LRRC7: variants seen among roughly 807,000 people sequenced by gnomAD.
The protein encoded by LRRC7 is leucine-rich repeat-containing protein 7.
In LRRC7, 23 loss-of-function variants were observed where a neutral mutation model predicts 175.7. The observed-to-expected ratio is 0.13, with a 90% CI of 0.09 to 0.19. The LOEUF (loss-of-function observed/expected upper bound fraction) is 0.19, where lower values mean the gene tolerates loss of function less well. Among genes scored for constraint, LRRC7 ranks in the 10% least tolerant of loss-of-function variants. The probability of loss-of-function intolerance (pLI) is 1.00; values close to 1 mark genes in which losing one functional copy is unlikely to be tolerated. For synonymous variants in LRRC7, 685 were observed against 680.9 expected (o/e 1.01, Z -0.09); for missense variants, 1,354 against 1,904.7 (o/e 0.71, Z 5.38).
At chr1:69,908,490 A>G (rs1646402635) in intron 7 of LRRC7, among the ~76,000 whole-genome samples, 1 of 152,128 alleles carries the variant, frequency 6.6e-6, no homozygotes, top group African/African-American at 2.4e-5. Flanking sequence ...TTCAAAGAAC[A>G]TCTTTATTTC....
In LRRC7 at chr1:69,982,885, A is replaced by G. The variant is rs17131100; in HGVS notation, c.786+2432A>G. On this transcript the variant is annotated intron_variant, in intron 9 of 26. Transcript: ENST00000651989. ...TTTATGCCTTTACAGTCCTCAGGCT[A>G]TGATTGCTTTGATACAGTGTTTTCA... 1.7e-3 allele frequency among the ~76,000 whole-genome samples: 252 copies of G among 152,286 alleles called. 1 individual carries two copies. The highest frequency in any genetic ancestry group is 5.8e-3 in the African/African-American group (241 of 41,580).
chr1:69,939,222 G>A (rs1382824524), intron 8 of LRRC7, among the ~76,000 whole-genome samples: 4 of 151,560 alleles, frequency 2.6e-5, no homozygotes, highest in South Asian at 2.1e-4. Context: ...ATGGTTTATC[G>A]TGTATGAGAG....
intron 7 of LRRC7, among the ~76,000 whole-genome samples, chr1:69,892,676 C>T (rs1273047467): frequency 6.6e-6 from 1 of 152,156 alleles, no homozygotes; most frequent in Non-Finnish European, 1.5e-5. Context: ...ACATGCCAAG[C>T]TCTTTACCTA....
At chr1:69,989,797 T>C (rs140072613) in intron 10 of LRRC7, among the ~76,000 whole-genome samples, 3 of 152,226 alleles carry the variant, frequency 2.0e-5, no homozygotes, top group African/African-American at 7.2e-5. Context: ...ATACACATAG[T>C]GCTAAAAGAG....
intron 1 of LRRC7, among the ~76,000 whole-genome samples, chr1:69,653,511 A>G (rs1414187135): frequency 6.6e-6 from 1 of 152,082 alleles, no homozygotes; most frequent in Non-Finnish European, 1.5e-5. Context: ...GAAAACTGTT[A>G]GCAGGGATGT....
Position 69,803,906 on chromosome 1 carries a change from G to A in LRRC7, c.421+11746G>A, listed in dbSNP as rs145129017. 6.4e-3 allele frequency among the ~76,000 whole-genome samples: 967 copies of A among 150,938 alleles called. 2 individuals are homozygous for A. Among genetic ancestry groups the A allele is most frequent in the Middle Eastern group, 0.02 (6 of 294 alleles). On this transcript the variant is annotated intron_variant, in intron 4 of 26. Transcript: ENST00000651989. Reference sequence around the variant, plus strand: ...CACCATTTATCTTTTAGTCTTTTTAGCAACTTTTCCAGAGGTTTTTCTACT... The same window carrying A: ...CACCATTTATCTTTTAGTCTTTTTAACAACTTTTCCAGAGGTTTTTCTACT...
intron 4 of LRRC7, among the ~76,000 whole-genome samples, chr1:69,820,413 G>T (rs1478160695): frequency 1.3e-5 from 2 of 152,082 alleles, no homozygotes; most frequent in African/African-American, 4.8e-5. Flanking sequence ...TATATGTACA[G>T]AACATGCAGG....
intron 1 of LRRC7, among the ~76,000 whole-genome samples, chr1:69,643,557 T>C (rs569915305): frequency 1.3e-5 from 2 of 152,248 alleles, no homozygotes; most frequent in East Asian, 1.9e-4. Flanking sequence ...GCAGTTCAAG[T>C]CCTCTTTCCC....
intron 26 of LRRC7, among the ~76,000 whole-genome samples, chr1:70,119,237 C>T (rs1416391799): frequency 6.6e-6 from 1 of 152,096 alleles, no homozygotes; most frequent in Non-Finnish European, 1.5e-5. Context: ...TTCTATGCCT[C>T]AGTGAAACAG....
At chr1:69,663,823 G>A (rs1278415892) in intron 1 of LRRC7, among the ~76,000 whole-genome samples, 2 of 137,430 alleles carry the variant, frequency 1.5e-5, no homozygotes, top group African/African-American at 5.4e-5. Context: ...CCGGGTTCAC[G>A]CCATTCTCCT....
intron 3 of LRRC7, among the ~76,000 whole-genome samples, chr1:69,765,458 T>C (rs1302008511): frequency 6.6e-6 from 1 of 152,112 alleles, no homozygotes; most frequent in Admixed American, 6.6e-5. Context: ...TGCAGAATCA[T>C]ATGCTTATTA....
At chr1:69,894,455 C>T (rs1014817962) in intron 7 of LRRC7, among the ~76,000 whole-genome samples, 1 of 152,178 alleles carries the variant, frequency 6.6e-6, no homozygotes. Flanking sequence ...GAATTCATTT[C>T]CTCACATTTG....
intron 7 of LRRC7, among the ~76,000 whole-genome samples, chr1:69,912,419 A>T (rs1298812545): frequency 6.6e-6 from 1 of 152,172 alleles, no homozygotes; most frequent in Non-Finnish European, 1.5e-5. Context: ...TCTCTTCATA[A>T]GCATATAATA....
chr1:70,109,318 G>A (rs187063601), intron 26 of LRRC7, among the ~76,000 whole-genome samples: 104 of 152,180 alleles, frequency 6.8e-4, no homozygotes, highest in African/African-American at 2.3e-3. Flanking sequence ...CACTGCGCCC[G>A]GCCTCTCCGA....
intron 1 of LRRC7, 130 bp from the exon 2 acceptor site, chr1:69,678,251 T>C (rs1660040619): frequency 3.1e-6 from 2 of 640,742 alleles, no homozygotes; most frequent in Admixed American, 2.5e-5. Context: ...GCCAGCTTGC[T>C]CCTTGCCGGA....
chr1:70,116,949 G>A (rs74616461), intron 26 of LRRC7, among the ~76,000 whole-genome samples: 3,251 of 152,182 alleles, frequency 0.021, 117 homozygotes, highest in African/African-American at 0.076. Flanking sequence ...CACCATGAAG[G>A]CTTGCTCTTA....
chr1:69,979,006 C>T (rs189693195), intron 8 of LRRC7, among the ~76,000 whole-genome samples: 104 of 151,826 alleles, frequency 6.8e-4, no homozygotes, highest in African/African-American at 2.4e-3. Context: ...TCCTTTAGCT[C>T]CACTTTCTGT....
chr1:69,927,696 G>GTTATACAT lies in LRRC7; in HGVS notation c.648-3809_648-3802dup, dbSNP rs533519394. 7.4e-3 allele frequency among the ~76,000 whole-genome samples: 1,133 copies of GTTATACAT among 152,158 alleles called. 12 individuals carry two copies. The highest frequency in any genetic ancestry group is 0.02 in the Middle Eastern group (6 of 294). On this transcript the variant is annotated intron_variant, in intron 7 of 26. Coordinates refer to ENST00000651989, the MANE Select transcript of LRRC7 (RefSeq NM_001370785.2). Reference sequence around the variant, plus strand: ...GGACTTCTCTGTATTGGTTATTCTAGTTATACATTCATCTAAATTTTTTTC... The same window carrying GTTATACAT: ...GGACTTCTCTGTATTGGTTATTCTAGTTATACATTTATACATTCATCTAAATTTTTTTC...
intron 7 of LRRC7, among the ~76,000 whole-genome samples, chr1:69,908,638 T>C (rs944077497): frequency 2.0e-5 from 3 of 149,312 alleles, no homozygotes; most frequent in Admixed American, 2.0e-4. Context: ...CAGTTTGTTA[T>C]AATTTCCGTT....
Sources: allele counts gnomAD v4.1 joint callset (sites outside exome capture counted in the v4.1 genomes callset), GRCh38; gene constraint gnomAD v4.1.1; transcripts MANE v1.5; gene names NCBI Gene and HGNC (gene_info 2026-07-23, HGNC 2026-07-21).